Variants in ENOX1 observed in about 807,000 individuals in gnomAD.
The protein encoded by ENOX1 is candidate growth-related and time keeping constitutive hydroquinone (NADH) oxidase.
Under a neutral mutation model 82.5 loss-of-function variants are expected in ENOX1, and 42 were observed. That is an observed-to-expected ratio of 0.51 (90% CI 0.40 to 0.66). ENOX1 has a LOEUF of 0.66. Among genes scored for constraint, ENOX1 ranks in the 30% least tolerant of loss-of-function variants. The pLI, the probability that ENOX1 is intolerant of heterozygous loss-of-function variation, is 0.00. For synonymous variants in ENOX1, 271 were observed against 282.2 expected (o/e 0.96, Z 0.40); for missense variants, 608 against 811.6 (o/e 0.75, Z 3.05).
chr13:43,677,885 T>A (rs773360691), intron 1 of ENOX1, among the ~76,000 whole-genome samples: 13 of 152,166 alleles, frequency 8.5e-5, no homozygotes, highest in Non-Finnish European at 1.9e-4. Context: ...TTTTTATTTA[T>A]TTTTAGGTTT....
intron 3 of ENOX1, among the ~76,000 whole-genome samples, chr13:43,474,482 G>T (rs1219170455): frequency 2.0e-5 from 3 of 151,900 alleles, no homozygotes; most frequent in Non-Finnish European, 2.9e-5. Context: ...TTTGTTTTTT[G>T]CTTAGACCTG....
At position 43,358,219 on chromosome 13, in the gene ENOX1, T is replaced by C. The variant is rs543837075; in HGVS notation, c.589+1632A>G. On this transcript the variant is annotated intron_variant, in intron 7 of 16. Transcript: ENST00000690772. ...ATTGGGTGTGAACATTGTGTTGTAT[T>C]AGTGTTGAAAAGGGCCTCTGATTTA... Among the ~76,000 whole-genome samples the C allele has an allele frequency of 3.3e-5, 5 of 152,276 alleles. No individual in the cohort carries two copies. In the East Asian group the frequency reaches 7.7e-4, roughly 24 times the overall value.
intron 6 of ENOX1, 113 bp from the exon 7 acceptor site, chr13:43,360,170 A>G (rs1566600875): frequency 1.2e-6 from 1 of 865,442 alleles, no homozygotes; most frequent in Middle Eastern, 2.7e-4. Context: ...GTGACGGTAA[A>G]TTTCTATGCC....
At chr13:43,354,379 C>T (rs1002785860) in intron 8 of ENOX1, among the ~76,000 whole-genome samples, 7 of 151,782 alleles carry the variant, frequency 4.6e-5, no homozygotes, top group African/African-American at 9.7e-5. Flanking sequence ...GGTTACGGTG[C>T]GGGTATTTCA....
At chr13:43,544,906 A>C (rs1288008556) in intron 2 of ENOX1, 2 of 152,216 alleles carry the variant, frequency 1.3e-5, no homozygotes, top group African/African-American at 4.8e-5. Context: ...CGAGTTGATA[A>C]GAGAGAACAG....
At chr13:43,771,785 G>A (rs1951621056) in intron 1 of ENOX1, among the ~76,000 whole-genome samples, 2 of 150,436 alleles carry the variant, frequency 1.3e-5, no homozygotes, top group South Asian at 2.1e-4. Flanking sequence ...TTTTCTTTGA[G>A]ATGGAGTCTC....
intron 1 of ENOX1, among the ~76,000 whole-genome samples, chr13:43,684,201 C>G (rs766745106): frequency 2.0e-5 from 3 of 151,866 alleles, no homozygotes. Context: ...CTATTTTAGC[C>G]GTTTATGAAA....
chr13:43,617,466 T>C (rs1027099512), intron 2 of ENOX1, among the ~76,000 whole-genome samples: 1 of 152,212 alleles, frequency 6.6e-6, no homozygotes, highest in Non-Finnish European at 1.5e-5. Flanking sequence ...GACAAAAAAG[T>C]CTGTTTTTGT....
chr13:43,527,756 C>T (rs1384586765), intron 2 of ENOX1, among the ~76,000 whole-genome samples: 9 of 152,046 alleles, frequency 5.9e-5, no homozygotes, highest in Admixed American at 2.0e-4. Flanking sequence ...AATGTCTATA[C>T]CAGAATTATT....
intron 2 of ENOX1, among the ~76,000 whole-genome samples, chr13:43,600,153 T>C (rs1408605501): frequency 6.6e-6 from 1 of 151,690 alleles, no homozygotes; most frequent in Non-Finnish European, 1.5e-5. Context: ...AAGGGAAGAG[T>C]AAAGGAGACT....
intron 1 of ENOX1, among the ~76,000 whole-genome samples, chr13:43,733,944 G>A (rs193068325): frequency 6.6e-6 from 1 of 152,240 alleles, no homozygotes; most frequent in Non-Finnish European, 1.5e-5. Flanking sequence ...GGGTGCCAGA[G>A]TGAGACCCTG....
At position 43,752,172 on chromosome 13, in the gene ENOX1, C is replaced by T. The variant is rs187890547; in HGVS notation, c.-285+34480G>A. On this transcript the variant is annotated intron_variant, in intron 1 of 16. Transcript: ENST00000690772. ...TCTTCTCATGTGCTTATTTACCACC[C>T]ATATTTCTTATCCGGCAGAATATCT... Among the ~76,000 whole-genome samples the T allele has an allele frequency of 2.9e-3, 443 of 152,268 alleles. 4 individuals carry two copies. Among genetic ancestry groups the T allele is most frequent in the African/African-American group, 0.01 (425 of 41,548 alleles).
At chr13:43,784,380 T>G (rs1483323401) in intron 1 of ENOX1, among the ~76,000 whole-genome samples, 1 of 152,218 alleles carries the variant, frequency 6.6e-6, no homozygotes, top group African/African-American at 2.4e-5. Context: ...TAATTTCCAA[T>G]TTGTCACATA....
At chr13:43,617,789 G>A (rs1339362257) in intron 2 of ENOX1, among the ~76,000 whole-genome samples, 6 of 152,174 alleles carry the variant, frequency 3.9e-5, no homozygotes. Flanking sequence ...AGTTCTTTAA[G>A]GAATCTCCAC....
At chr13:43,303,266 C>T (rs2046683338) in intron 11 of ENOX1, among the ~76,000 whole-genome samples, 1 of 152,234 alleles carries the variant, frequency 6.6e-6, no homozygotes, top group Non-Finnish European at 1.5e-5. Flanking sequence ...GCTGCCTCCT[C>T]AGCCACGATC....
chr13:43,756,900 A>C (rs1322669776), intron 1 of ENOX1, among the ~76,000 whole-genome samples: 1 of 147,014 alleles, frequency 6.8e-6, no homozygotes, highest in East Asian at 2.1e-4. Context: ...AGGTAAGAGG[A>C]TCCTTTAAGC....
rs552153155 is a variant in ENOX1 at position 43,698,394 on chromosome 13, C to T, written c.-284-30850G>A. On this transcript the variant is annotated intron_variant, in intron 1 of 16. Coordinates refer to ENST00000690772, the MANE Select transcript of ENOX1 (RefSeq NM_001347969.2). ...ATTATATAAAGTTGGAAATACAGAC[C>T]TCCAAAGACCCTAACTGTTAGAGTA... 6.4e-4 allele frequency among the ~76,000 whole-genome samples: 98 copies of T among 152,202 alleles called. 1 individual carries two copies. The highest frequency in any genetic ancestry group is 1.2e-3 in the Non-Finnish European group (79 of 68,002).
intron 7 of ENOX1, 24 bp from the exon 8 acceptor site, chr13:43,356,176 C>T (rs2153556950): frequency 6.2e-7 from 1 of 1,608,874 alleles, no homozygotes; most frequent in Non-Finnish European, 8.5e-7. Context: ...AAACTCTGGT[C>T]ACACCATAAT....
At chr13:43,458,165 AT>A (rs1450990577) in intron 3 of ENOX1, among the ~76,000 whole-genome samples, 1 of 152,220 alleles carries the variant, frequency 6.6e-6, no homozygotes, top group African/African-American at 2.4e-5. Context: ...TGTAGCCATC[AT>A]CATATCTTTG....
Sources: allele counts gnomAD v4.1 joint callset (sites outside exome capture counted in the v4.1 genomes callset), GRCh38; gene constraint gnomAD v4.1.1; transcripts MANE v1.5; gene names NCBI Gene and HGNC (gene_info 2026-07-23, HGNC 2026-07-21).